The following ZNF200 variants were observed in gnomAD, a reference collection of about 807,000 sequenced individuals.
The protein encoded by ZNF200 is zinc finger protein 200.
A neutral mutation model predicts 33.6 loss-of-function variants in ZNF200; 35 were observed. The observed-to-expected ratio is 1.04, with a 90% confidence interval of 0.80 to 1.38. The LOEUF is 1.38. ZNF200 is among the 40% of genes most tolerant of loss of function. ZNF200 has a pLI of 0.00. For synonymous variants in ZNF200, 209 were observed against 167.7 expected (o/e 1.25, Z -1.90); for missense variants, 592 against 470.6 (o/e 1.26, Z -2.39).
intron 4 of ZNF200, among the ~76,000 whole-genome samples, chr16:3,229,789 G>A (rs984224759): frequency 3.3e-5 from 5 of 152,076 alleles, no homozygotes; most frequent in Admixed American, 6.5e-5. Context: ...GGCATGAACC[G>A]CAGGGGGCGG....
At chr16:3,229,814 C>G (rs1407811094) in intron 4 of ZNF200, among the ~76,000 whole-genome samples, 1 of 151,692 alleles carries the variant, frequency 6.6e-6, no homozygotes, top group African/African-American at 2.4e-5. Context: ...TGCAGGAAGC[C>G]AAGATCGCAC....
chr16:3,233,666 G>A lies in ZNF200; in HGVS notation c.90C>T (p.Asp30=), dbSNP rs905303012. Residue 30 remains aspartate, a synonymous_variant, in exon 2 of 5, where the codon GAC becomes GAT. Coordinates refer to ENST00000414144, the MANE Select transcript of ZNF200 (RefSeq NM_198088.3). The part of the protein sequence containing the change: ...RVPPDSKLGQ[D]LLRDATNGPK... Reference sequence around the variant, plus strand: ...GCCCGTTAGTGGCATCTCGAAGTAGGTCTTGGCCCAGCTTGGAGTCTGGCG... The same window carrying A: ...GCCCGTTAGTGGCATCTCGAAGTAGATCTTGGCCCAGCTTGGAGTCTGGCG... 13 of 1,613,782 alleles carry A rather than the reference G, an allele frequency of 8.1e-6. No homozygotes were observed. Among genetic ancestry groups the A allele is most frequent in the Admixed American group, 6.7e-5 (4 of 59,990 alleles).
chr16:3,224,852 G>C (rs1004459457), intron 4 of ZNF200: 17 of 527,280 alleles, frequency 3.2e-5, no homozygotes, highest in African/African-American at 1.7e-4. Flanking sequence ...TTCACTGAAA[G>C]ACTTCAAATG....
At chr16:3,231,972 A>G (rs1226852258) in intron 4 of ZNF200, among the ~76,000 whole-genome samples, 4 of 152,246 alleles carry the variant, frequency 2.6e-5, no homozygotes, top group African/African-American at 7.2e-5. Flanking sequence ...AACAGCATAT[A>G]AGTGCTCATT....
chr16:3,232,469 T>C lies in ZNF200; in HGVS notation c.418A>G (p.Thr140Ala), dbSNP rs1958660733. Residue 140 changes from threonine (T) to alanine (A), a missense_variant, in exon 4 of 5, where the codon ACG (threonine) becomes GCG (alanine). Transcript: ENST00000414144. Reference protein sequence around the residue: ...CVSLDPTQQLTSEKEDDSSVG... With the variant: ...CVSLDPTQQLASEKEDDSSVG... ...CTGCTGTCATCTTCCTTCTCTGACG[T>C]GAGTTGTTGAGTAGGATCCAAGCTC... is the stretch of plus-strand genomic sequence containing the variant. 1.9e-6 allele frequency: 3 copies of C among 1,613,488 alleles called. No homozygotes were observed. In the East Asian group the frequency reaches 6.7e-5, roughly 36 times the overall value.
chr16:3,228,084 C>A lies in ZNF200; in HGVS notation c.467-3471G>T, dbSNP rs57803643. 5.5e-3 allele frequency among the ~76,000 whole-genome samples: 839 copies of A among 151,860 alleles called. 8 individuals are homozygous for A. The highest frequency in any genetic ancestry group is 0.019 in the African/African-American group (780 of 41,394). ...GTTGAAATCTACTCTTGTCCTTTAG[C>A]CTTGTTTTAAAGTTTCCTCATAAAT... On this transcript the variant is annotated intron_variant, in intron 4 of 4. Transcript: ENST00000414144.
At chr16:3,226,535 A>G (rs892130048) in intron 4 of ZNF200, 1 of 152,198 alleles carries the variant, frequency 6.6e-6, no homozygotes, top group African/African-American at 2.4e-5. Flanking sequence ...ATAGTTTCTC[A>G]TTGTAGTTTT....
At position 3,232,925 on chromosome 16, in the gene ZNF200, G is replaced by A. The variant is rs745423183; in HGVS notation, c.251-4C>T. 3 of 1,613,370 alleles carry A rather than the reference G, an allele frequency of 1.9e-6. No homozygotes were observed. The highest frequency in any genetic ancestry group is 1.7e-5 in the Admixed American group (1 of 60,012). On this transcript the variant is annotated splice_region_variant and splice_polypyrimidine_tract_variant and intron_variant, in intron 2 of 4. Transcript: ENST00000414144. ...TTCACCAAGGGACGAGGATGCACTG[G>A]GGAAAGAGGAAGGTTTAGTTAGTGA... is the stretch of plus-strand genomic sequence containing the variant.
rs903621932 is a variant in ZNF200 at position 3,223,200 on chromosome 16, C to T, written c.*692G>A. On this transcript the variant is annotated 3_prime_UTR_variant, in exon 5 of 5. Coordinates refer to ENST00000414144, the MANE Select transcript of ZNF200 (RefSeq NM_198088.3). ...GCTGCTGGAGAGATCAACAGCAGAA[C>T]AAAATACAATAAGAACAGTAGACAC... 6.6e-6 allele frequency: 1 copy of T among 152,112 alleles called. No individual in the cohort carries two copies. The highest frequency in any genetic ancestry group is 2.4e-5 in the African/African-American group (1 of 41,392). 9.4% of individuals were successfully genotyped at this position (152,112 alleles called of 1,614,324 possible).
intron 4 of ZNF200, chr16:3,226,585 A>C (rs1344395058): frequency 6.6e-6 from 1 of 152,250 alleles, no homozygotes; most frequent in African/African-American, 2.4e-5. Flanking sequence ...TACTGGGTTA[A>C]GGCTTTTATA....
At position 3,235,076 on chromosome 16, in the gene ZNF200, G is replaced by A. The variant is rs112825042; in HGVS notation, c.-171C>T. On this transcript the variant is annotated 5_prime_UTR_variant, in exon 1 of 5. Transcript: ENST00000414144. ...GAGATAGAAAAACTAGGCGCGAGCG[G>A]TCGAGCCCTCCCCTCGCCCTTCCGA... 6.6e-6 allele frequency: 1 copy of A among 152,218 alleles called. No individual in the cohort carries two copies. Among genetic ancestry groups the A allele is most frequent in the Non-Finnish European group, 1.5e-5 (1 of 68,048 alleles). The allele number at this position is 152,218 out of a possible 1,614,324, so 9.4% of individuals were successfully genotyped here.
At chr16:3,227,957 G>GA (rs201585241) in intron 4 of ZNF200, among the ~76,000 whole-genome samples, 31 of 150,752 alleles carry the variant, frequency 2.1e-4, no homozygotes, top group African/African-American at 5.4e-4. Flanking sequence ...TGGTATTGTT[G>GA]AAAAAAAACA....
At position 3,223,988 on chromosome 16, in the gene ZNF200, A is replaced by C; in HGVS notation, c.1092T>G (p.Tyr364Ter). 1.2e-6 allele frequency: 2 copies of C among 1,614,068 alleles called. No homozygotes were observed. Among genetic ancestry groups the C allele is most frequent in the Non-Finnish European group, 1.7e-6 (2 of 1,179,996 alleles). Residue 364 changes from tyrosine (Y) to a stop codon, truncating the protein, a stop_gained, in exon 5 of 5, where the codon TAT (tyrosine) becomes TAG (stop). Transcript: ENST00000414144. LOFTEE classifies it high-confidence loss of function. ...ATCTTCTCCCACATTTTTTGCAACCATATGGTCTCTCAGCCTCATGACTCT... is the reference window on the plus strand; with the variant it reads ...ATCTTCTCCCACATTTTTTGCAACCCTATGGTCTCTCAGCCTCATGACTCT... ...HLQSHEAERP[Y>*]GCKKCGRRFG...
intron 4 of ZNF200, 125 bp from the exon 5 acceptor site, chr16:3,224,738 G>A (rs1451151249): frequency 2.2e-5 from 27 of 1,226,068 alleles, no homozygotes; most frequent in South Asian, 3.1e-5. Context: ...GGATACTGCC[G>A]TCGCACTCCT....
At chr16:3,227,621 T>A (rs1958506403) in intron 4 of ZNF200, 1 of 152,236 alleles carries the variant, frequency 6.6e-6, no homozygotes, top group Non-Finnish European at 1.5e-5. Context: ...CTCATGATAG[T>A]GAGTTCTCAT....
chr16:3,230,489 T>C (rs988800449), intron 4 of ZNF200, among the ~76,000 whole-genome samples: 2 of 152,184 alleles, frequency 1.3e-5, no homozygotes, highest in Non-Finnish European at 2.9e-5. Context: ...AAAGGTGTAT[T>C]CTCCTATCAC....
chr16:3,223,818 T>C lies in ZNF200; in HGVS notation c.*74A>G. The C allele has an allele frequency of 1.3e-6, 2 of 1,511,814 alleles. No homozygotes were observed. Among genetic ancestry groups the C allele is most frequent in the South Asian group, 1.3e-5 (1 of 74,112 alleles). 93.6% of individuals were successfully genotyped at this position (1,511,814 alleles called of 1,614,324 possible). Reference sequence around the variant, plus strand: ...ACACATTTATACCTTTTTAGGCAGCTTGGGAATTCAGAACTACTTATGAAA... The same window carrying C: ...ACACATTTATACCTTTTTAGGCAGCCTGGGAATTCAGAACTACTTATGAAA... On this transcript the variant is annotated 3_prime_UTR_variant, in exon 5 of 5. Coordinates refer to ENST00000414144, the MANE Select transcript of ZNF200 (RefSeq NM_198088.3).
In ZNF200 at chr16:3,223,586, A is replaced by C. The variant is rs183784756; in HGVS notation, c.*306T>G. 219 of 251,528 alleles carry C rather than the reference A, an allele frequency of 8.7e-4. No individual in the cohort carries two copies. Among genetic ancestry groups the C allele is most frequent in the Admixed American group, 1.3e-3 (26 of 19,708 alleles). The allele number at this position is 251,528 out of a possible 1,614,324, so 15.6% of individuals were successfully genotyped here. On this transcript the variant is annotated 3_prime_UTR_variant, in exon 5 of 5. Coordinates refer to ENST00000414144, the MANE Select transcript of ZNF200 (RefSeq NM_198088.3). ...CACTCTTTGCCTTCCAAGTAAGCAGACTCCAGATTCATCTTCAAAGTGTTG... is the reference window on the plus strand; with the variant it reads ...CACTCTTTGCCTTCCAAGTAAGCAGCCTCCAGATTCATCTTCAAAGTGTTG...
chr16:3,233,579 C>G lies in ZNF200; in HGVS notation c.177G>C (p.Leu59=). The G allele has an allele frequency of 6.2e-7, 1 of 1,611,450 alleles. No individual in the cohort carries two copies. Among genetic ancestry groups the G allele is most frequent in the Non-Finnish European group, 8.5e-7 (1 of 1,178,822 alleles). ...CCTTGACTTTCTGACTGGGCTGGAC[C>G]AGGCTTGGCTTGGGCAAGAAGGTGA... is the stretch of plus-strand genomic sequence containing the variant. ...HFLTFLPKPS[L]VQPSQKVKET... is the part of the protein sequence containing the mutation. The change falls in exon 2 of 5, where the codon CTG becomes CTC. Residue 59 remains leucine, a synonymous_variant. Transcript: ENST00000414144.
Sources: gnomAD v4.1 joint callset for allele counts (sites outside exome capture counted in the v4.1 genomes callset) on GRCh38, gnomAD v4.1.1 for gene constraint, MANE v1.5 for transcripts, NCBI Gene and HGNC (gene_info 2026-07-23, HGNC 2026-07-21) for gene names.